TEX35: variants seen among roughly 807,000 people sequenced by gnomAD.
TEX35 encodes the protein testis expressed 35.
A neutral mutation model predicts 31.9 loss-of-function variants in TEX35; 26 were observed. The ratio of observed to expected loss-of-function variants is 0.81; its 90% CI spans 0.60 to 1.13. The LOEUF is 1.13. Among genes scored for constraint, TEX35 ranks in the 50% most tolerant of loss-of-function variants. TEX35 has a pLI of 0.00. For synonymous variants in TEX35, 87 were observed against 90.7 expected (o/e 0.96, Z 0.23); for missense variants, 278 against 273.5 (o/e 1.02, Z -0.12).
In TEX35 at chr1:178,522,410, T is replaced by C; in HGVS notation, c.672T>C (p.Pro224=). 6.2e-7 allele frequency: 1 copy of C among 1,603,518 alleles called. No homozygotes were observed. The highest frequency in any genetic ancestry group is 8.5e-7 in the Non-Finnish European group (1 of 1,174,392). ...AACCTTCTGTGGGCCACGCTGTGCC[T>C]GCCCCAAAGTCCCAGACTGAGGGAA... is the stretch of plus-strand genomic sequence containing the variant. ...TTQPSVGHAV[P]APKSQTEGR is the part of the protein sequence containing the mutation. The change falls in exon 9 of 9, where the codon CCT becomes CCC. Residue 224 remains proline, a synonymous_variant. Coordinates refer to ENST00000319416, the MANE Select transcript of TEX35 (RefSeq NM_032126.5).
At chr1:178,514,132 G>T in intron 2 of TEX35, 55 bp downstream of exon 2, 1 of 1,613,648 alleles carries the variant, frequency 6.2e-7, no homozygotes, top group Non-Finnish European at 8.5e-7. Flanking sequence ...CCATGGGGAA[G>T]TGACCAGGAG....
chr1:178,521,493 G>A, intron 8 of TEX35: 2 of 1,071,140 alleles, frequency 1.9e-6, no homozygotes, highest in Non-Finnish European at 2.8e-6. Context: ...TCCCATGGTG[G>A]GGAGGGTGCA....
chr1:178,521,672 C>T lies in TEX35; in HGVS notation c.586+408C>T, dbSNP rs375665900. 3.5e-5 allele frequency: 55 copies of T among 1,551,902 alleles called. No individual in the cohort carries two copies. The East Asian group carries it at 6.8e-4, about 19-fold the overall frequency. On this transcript the variant is annotated intron_variant, in intron 8 of 8. Transcript: ENST00000319416. Reference sequence around the variant, plus strand: ...CATCGAATATGTGTTTCCAACCTAGCGCAGCTGCAGAACCTACCAGCAGTT... The same window carrying T: ...CATCGAATATGTGTTTCCAACCTAGTGCAGCTGCAGAACCTACCAGCAGTT...
At chr1:178,517,602 G>A (rs187695033) in intron 5 of TEX35, among the ~76,000 whole-genome samples, 467 of 152,274 alleles carry the variant, frequency 3.1e-3, no homozygotes, top group Non-Finnish European at 5.2e-3. Context: ...AGGTCCAGAC[G>A]CCAGTGGGTT....
At position 178,515,252 on chromosome 1, in the gene TEX35, C is replaced by T. The variant is rs569516428; in HGVS notation, c.159+484C>T. On this transcript the variant is annotated intron_variant, in intron 3 of 8. Transcript: ENST00000319416. ...CCTCCCGAGTATCTGGGACTATAGG[C>T]GTGCACCACCATGCCCAGCTAATTT... Among the ~76,000 whole-genome samples the T allele has an allele frequency of 8.3e-4, 126 of 152,238 alleles. 3 individuals carry two copies. Among genetic ancestry groups the T allele is most frequent in the Admixed American group, 1.1e-3 (17 of 15,286 alleles).
At chr1:178,523,204 C>T (rs1190001970), downstream of TEX35, 4 of 674,444 alleles carry the variant, frequency 5.9e-6, no homozygotes, top group Non-Finnish European at 1.1e-5. Context: ...CTGTTGATGA[C>T]ACTTAGGTTG....
chr1:178,517,860 GA>G (rs750720432), intron 5 of TEX35, among the ~76,000 whole-genome samples: 1 of 152,080 alleles, frequency 6.6e-6, no homozygotes, highest in Non-Finnish European at 1.5e-5. Flanking sequence ...TATGTAAATA[GA>G]AGTTCTAAAT....
chr1:178,523,302 G>T (rs764820576), downstream of TEX35: 5 of 701,762 alleles, frequency 7.1e-6, no homozygotes, highest in Admixed American at 2.0e-5. Flanking sequence ...TTTCTTGTAG[G>T]TATATACGCT....
At chr1:178,520,348 C>A (rs375444894) in intron 5 of TEX35, 24 bp from the exon 6 acceptor site, 4 of 1,608,378 alleles carry the variant, frequency 2.5e-6, no homozygotes, top group Non-Finnish European at 3.4e-6. Context: ...AATGAAGATG[C>A]TAGTTCTGAA....
rs934405868 is a variant in TEX35, at chr1:178,515,914, A to G, written c.215A>G (p.Gln72Arg). ...AAGGAGAAAATGGAGGAGATAAAACAGGTAAGAAGATGAGGCCTTCCATAT... is the reference window on the plus strand; with the variant it reads ...AAGGAGAAAATGGAGGAGATAAAACGGGTAAGAAGATGAGGCCTTCCATAT... ...ELKEKMEEIKQIKDLMDKDFD... is the reference protein window; with the variant it reads ...ELKEKMEEIKRIKDLMDKDFD... The change falls in exon 4 of 9, where the codon CAG (glutamine) becomes CGG (arginine). Residue 72 changes from glutamine (Q) to arginine (R), a missense_variant and splice_region_variant. Transcript: ENST00000319416. 6.2e-7 allele frequency: 1 copy of G among 1,611,382 alleles called. No individual in the cohort carries two copies. The highest frequency in any genetic ancestry group is 8.5e-7 in the Non-Finnish European group (1 of 1,177,820).
chr1:178,520,961 A>G (rs763113659), intron 7 of TEX35, 87 bp downstream of exon 7: 735 of 1,579,334 alleles, frequency 4.7e-4, no homozygotes, highest in Non-Finnish European at 6.1e-4. Context: ...GTGCTGTATC[A>G]TAGTGAAGGG....
In TEX35 at chr1:178,516,681, A is replaced by C. The variant is rs1650091181; in HGVS notation, c.276+7A>C. 6.3e-7 allele frequency: 1 copy of C among 1,584,990 alleles called. No homozygotes were observed. Among genetic ancestry groups the C allele is most frequent in the Admixed American group, 1.7e-5 (1 of 58,448 alleles). On this transcript the variant is annotated splice_region_variant and intron_variant, in intron 5 of 8. Coordinates refer to ENST00000319416, the MANE Select transcript of TEX35 (RefSeq NM_032126.5). Reference sequence around the variant, plus strand: ...ATTTGTGGAAATTATGAAGGTAAGCATTACTTGAGTGCCTTCCATGGGCCA... The same window carrying C: ...ATTTGTGGAAATTATGAAGGTAAGCCTTACTTGAGTGCCTTCCATGGGCCA...
At chr1:178,517,704 G>T (rs1160215137) in intron 5 of TEX35, among the ~76,000 whole-genome samples, 2 of 152,180 alleles carry the variant, frequency 1.3e-5, no homozygotes, top group African/African-American at 4.8e-5. Flanking sequence ...TTTGATGTCA[G>T]TCAGAAGGAA....
rs142067055 is a variant in TEX35 at position 178,520,726 on chromosome 1, C to G, written c.395C>G (p.Thr132Ser). Reference sequence around the variant, plus strand: ...CAGGAACTCAGGCTGATGGGAAAGACTCACAGAGAACCACAGCTCAGGCCC... The same window carrying G: ...CAGGAACTCAGGCTGATGGGAAAGAGTCACAGAGAACCACAGCTCAGGCCC... ...EQQELRLMGK[T>S]HREPQLRPKK... Residue 132 changes from threonine to serine, a missense_variant, in exon 7 of 9, where the codon ACT becomes AGT. Coordinates refer to ENST00000319416, the MANE Select transcript of TEX35 (RefSeq NM_032126.5). 3 of 1,614,180 alleles carry G rather than the reference C, an allele frequency of 1.9e-6. No homozygotes were observed. The highest frequency in any genetic ancestry group is 2.5e-6 in the Non-Finnish European group (3 of 1,180,030).
intron 5 of TEX35, among the ~76,000 whole-genome samples, chr1:178,519,481 G>A (rs139552618): frequency 6.6e-6 from 1 of 151,892 alleles, no homozygotes; most frequent in Non-Finnish European, 1.5e-5. Context: ...TGGACCTAGG[G>A]GACATTGACT....
chr1:178,521,114 C>G (rs1650260914), intron 7 of TEX35, 108 bp from the exon 8 acceptor site: 2 of 1,599,628 alleles, frequency 1.3e-6, no homozygotes, highest in African/African-American at 1.3e-5. Context: ...CAGCTCCACC[C>G]TCTTATTCTG....
intron 5 of TEX35, among the ~76,000 whole-genome samples, chr1:178,518,677 G>A (rs1283809892): frequency 6.6e-6 from 1 of 152,182 alleles, no homozygotes; most frequent in Non-Finnish European, 1.5e-5. Flanking sequence ...GTTCATAGCA[G>A]TTATTTCTGG....
In TEX35 at chr1:178,520,439, A is replaced by G; in HGVS notation, c.341+3A>G. 6.2e-7 allele frequency: 1 copy of G among 1,614,120 alleles called. No individual in the cohort carries two copies. Among genetic ancestry groups the G allele is most frequent in the Middle Eastern group, 1.7e-4 (1 of 6,060 alleles). ...AATACACAGAAGAACTATAAGCTGT[A>G]AGTGTAACCTGCACTCGTCTCTCCT... On this transcript the variant is annotated splice_donor_region_variant and intron_variant, in intron 6 of 8. Transcript: ENST00000319416.
Position 178,520,843 on chromosome 1 carries a change from T to C in TEX35, c.512T>C (p.Leu171Pro), listed in dbSNP as rs3813636. The change falls in exon 7 of 9, where the codon CTG (leucine) becomes CCG (proline). Residue 171 changes from leucine (L) to proline (P), a missense_variant. Coordinates refer to ENST00000319416, the MANE Select transcript of TEX35 (RefSeq NM_032126.5). Reference sequence around the variant, plus strand: ...CCACAAAAAACAAAACAGGGCTCACTGGATCCCCTTCATCACTGTGGGACC... The same window carrying C: ...CCACAAAAAACAAAACAGGGCTCACCGGATCCCCTTCATCACTGTGGGACC... ...MAPQKTKQGS[L>P]DPLHHCGTCC... 5.3e-3 allele frequency: 8,485 copies of C among 1,613,916 alleles called. 314 individuals are homozygous for C. In the African/African-American group the frequency reaches 0.089, roughly 17 times the overall value.
Sources: gnomAD v4.1 joint callset for allele counts (sites outside exome capture counted in the v4.1 genomes callset) on GRCh38, gnomAD v4.1.1 for gene constraint, MANE v1.5 for transcripts, NCBI Gene and HGNC (gene_info 2026-07-23, HGNC 2026-07-21) for gene names.